The following BIRC6 variants were observed in gnomAD, a reference collection of about 807,000 sequenced individuals.
BIRC6 encodes dual E2 ubiquitin-conjugating enzyme/E3 ubiquitin-protein ligase BIRC6.
BIRC6 carries 98 observed loss-of-function variants against 503.3 expected under a neutral mutation model. That is an observed-to-expected ratio of 0.19 (90% confidence interval 0.17 to 0.23). The LOEUF is 0.23. BIRC6 is among the 10% of genes least tolerant of loss of function. The probability of loss-of-function intolerance (pLI) is 1.00; values close to 1 mark genes in which losing one functional copy is unlikely to be tolerated. For missense variants in BIRC6, 5,360 were observed against 5,806.0 expected, an observed-to-expected ratio of 0.92 and a Z score of 2.50; for synonymous variants, 2,240 against 2,078.7, an observed-to-expected ratio of 1.08 and a Z score of -2.11.
At chr2:32,404,080 G>A (rs1001488708) in intron 8 of BIRC6, among the ~76,000 whole-genome samples, 1 of 151,124 alleles carries the variant, frequency 6.6e-6, no homozygotes, top group African/African-American at 2.4e-5. Flanking sequence ...AGGTGCCCAC[G>A]ACCCCTCCTG....
At chr2:32,598,909 G>A (rs943446898) in intron 69 of BIRC6, among the ~76,000 whole-genome samples, 1 of 149,548 alleles carries the variant, frequency 6.7e-6, no homozygotes, top group Non-Finnish European at 1.5e-5. Context: ...TATAATCCCA[G>A]TACTTGGCAG....
chr2:32,586,796 G>A (rs780328339), intron 66 of BIRC6, among the ~76,000 whole-genome samples: 1 of 152,038 alleles, frequency 6.6e-6, no homozygotes, highest in African/African-American at 2.4e-5. Flanking sequence ...GTCTTTCTGG[G>A]CACATTACAT....
At chr2:32,571,378 CTTTTTTTTTT>C (rs61599835) in intron 65 of BIRC6, among the ~76,000 whole-genome samples, 7 of 20,302 alleles carry the variant, frequency 3.4e-4, no homozygotes, top group African/African-American at 4.3e-4. Flanking sequence ...TGGTCCTGGG[CTTTTTTTTTT>C]TTTTTTTTTT....
intron 1 of BIRC6, among the ~76,000 whole-genome samples, chr2:32,359,001 T>C (rs2033635055): frequency 6.6e-6 from 1 of 152,188 alleles, no homozygotes; most frequent in African/African-American, 2.4e-5. Flanking sequence ...TGAAAAGGTA[T>C]GAAGAGTAAT....
chr2:32,448,679 G>A, intron 21 of BIRC6, 116 bp from the exon 22 acceptor site: 1 of 793,570 alleles, frequency 1.3e-6, no homozygotes, highest in Non-Finnish European at 2.0e-6. Context: ...AGAGGGGAGA[G>A]GGGAGAGGGA....
At chr2:32,375,726 G>T (rs1366636820) in intron 1 of BIRC6, among the ~76,000 whole-genome samples, 2 of 145,554 alleles carry the variant, frequency 1.4e-5, no homozygotes, top group Non-Finnish European at 1.5e-5. Flanking sequence ...TGCCGTAAAT[G>T]TATTTTCTTT....
intron 10 of BIRC6, among the ~76,000 whole-genome samples, chr2:32,421,193 G>C (rs1361921004): frequency 6.7e-6 from 1 of 148,414 alleles, no homozygotes; most frequent in Non-Finnish European, 1.5e-5. Context: ...TGCAACCTCT[G>C]CCTCCCAGGT....
At chr2:32,442,541 C>T in intron 19 of BIRC6, 86 bp downstream of exon 19, 4 of 1,344,382 alleles carry the variant, frequency 3.0e-6, no homozygotes, top group East Asian at 5.1e-5. Context: ...GTGATTTGAT[C>T]CTTGTTTAAT....
rs546023428 is a variant in BIRC6 at position 32,384,581 on chromosome 2, C to T, written c.646-4169C>T. Among the ~76,000 whole-genome samples, 5 of 152,180 alleles carry T rather than the reference C, an allele frequency of 3.3e-5. No homozygotes were observed. The East Asian group carries it at 7.7e-4, about 24-fold the overall frequency. On this transcript the variant is annotated intron_variant, in intron 3 of 73. Coordinates refer to ENST00000421745, the MANE Select transcript of BIRC6 (RefSeq NM_016252.4). ...CTGCCTAGTCCATGACTAGGAATCC[C>T]GTATAATCAACCTACTGTCAGATAG...
At chr2:32,518,668 A>T in intron 56 of BIRC6, 149 bp from the exon 57 acceptor site, 1 of 1,060,116 alleles carries the variant, frequency 9.4e-7, no homozygotes, top group Non-Finnish European at 1.3e-6. Flanking sequence ...AAGTTGACCA[A>T]CAAATCATGG....
intron 39 of BIRC6, among the ~76,000 whole-genome samples, 190 bp from the exon 40 acceptor site, chr2:32,485,453 C>T (rs1444374043): frequency 6.6e-6 from 1 of 152,142 alleles, no homozygotes; most frequent in African/African-American, 2.4e-5. Context: ...TAACCAATCG[C>T]CTGTCTCTAC....
At chr2:32,546,275 G>T (rs886967925) in intron 63 of BIRC6, among the ~76,000 whole-genome samples, 7 of 152,234 alleles carry the variant, frequency 4.6e-5, no homozygotes, top group Admixed American at 2.6e-4. Context: ...TGATTTAATT[G>T]TATTGTAGAA....
In BIRC6 at chr2:32,611,455, A is replaced by G; in HGVS notation, c.14267A>G (p.His4756Arg). 1 of 1,607,428 alleles carries G rather than the reference A, an allele frequency of 6.2e-7. No homozygotes were observed. Among genetic ancestry groups the G allele is most frequent in the Non-Finnish European group, 8.5e-7 (1 of 1,175,994 alleles). Residue 4756 changes from histidine (H) to arginine (R), a missense_variant, in exon 73 of 74, where the codon CAC becomes CGC. Physicochemically the swap from His to Arg is conservative, Grantham distance 29 (BLOSUM62 0). Transcript: ENST00000421745. ...NPSPCFKEVI[H>R]KHFYLKRVEI... is the part of the protein sequence containing the mutation. ...TGTTTACTTTTTCTCAAGGTAATAC[A>G]CAAACATTTTTACTTGAAAAGAGTT...
chr2:32,593,230 T>G (rs528372512), intron 66 of BIRC6, among the ~76,000 whole-genome samples: 1 of 152,326 alleles, frequency 6.6e-6, no homozygotes, highest in Admixed American at 6.5e-5. Flanking sequence ...TGTTTAGTTG[T>G]GTTTTCAGTG....
At chr2:32,409,130 A>T (rs573612488) in intron 9 of BIRC6, among the ~76,000 whole-genome samples, 2 of 152,278 alleles carry the variant, frequency 1.3e-5, no homozygotes, top group East Asian at 3.9e-4. Context: ...CTGAAGAATT[A>T]TGAAATATAT....
intron 1 of BIRC6, among the ~76,000 whole-genome samples, chr2:32,375,652 C>G (rs559954354): frequency 6.6e-6 from 1 of 152,022 alleles, no homozygotes; most frequent in Non-Finnish European, 1.5e-5. Context: ...CGTGCCATTT[C>G]AGGCACAGGA....
chr2:32,453,203 G>A (rs2046898112), intron 22 of BIRC6, among the ~76,000 whole-genome samples: 1 of 152,040 alleles, frequency 6.6e-6, no homozygotes, highest in African/African-American at 2.4e-5. Context: ...ATATAGTTGT[G>A]GCTACATGGT....
At position 32,471,307 on chromosome 2, in the gene BIRC6, T is replaced by C. The variant is rs142526650; in HGVS notation, c.6592+183T>C. 2.0e-5 allele frequency among the ~76,000 whole-genome samples: 3 copies of C among 152,350 alleles called. No individual in the cohort carries two copies. The East Asian group carries it at 5.8e-4, about 29-fold the overall frequency. Reference sequence around the variant, plus strand: ...TTCTGTTTAAAGATAACATTTATACTTGGTGGACTTTATAGACAAGCTCCT... The same window carrying C: ...TTCTGTTTAAAGATAACATTTATACCTGGTGGACTTTATAGACAAGCTCCT... On this transcript the variant is annotated intron_variant, in intron 32 of 73. Coordinates refer to ENST00000421745, the MANE Select transcript of BIRC6 (RefSeq NM_016252.4).
At chr2:32,543,115 A>T in intron 61 of BIRC6, 126 bp from the exon 62 acceptor site, 2 of 1,139,836 alleles carry the variant, frequency 1.8e-6, no homozygotes, top group Non-Finnish European at 2.4e-6. Context: ...CTTGTTTTTT[A>T]AAGCAAGCAG....
Sources: allele counts gnomAD v4.1 joint callset (sites outside exome capture counted in the v4.1 genomes callset), GRCh38; gene constraint gnomAD v4.1.1; transcripts MANE v1.5; gene names NCBI Gene and HGNC (gene_info 2026-07-23, HGNC 2026-07-21).